MYT1L: variants seen among roughly 807,000 people sequenced by gnomAD.
MYT1L encodes myelin transcription factor 1-like protein.
In MYT1L, 12 loss-of-function variants were observed where a neutral mutation model predicts 126.7. That is an observed-to-expected ratio of 0.09 (90% CI 0.06 to 0.15). The LOEUF (loss-of-function observed/expected upper bound fraction) is 0.15. Among genes scored for constraint, MYT1L ranks in the 10% least tolerant of loss-of-function variants. MYT1L has a pLI of 1.00. For missense variants in MYT1L, 979 were observed against 1,585.2 expected (o/e 0.62, Z 6.49); for synonymous variants, 541 against 604.2 (o/e 0.90, Z 1.53).
chr2:2,043,296 A>G (rs2067761222), intron 4 of MYT1L, among the ~76,000 whole-genome samples: 2 of 152,150 alleles, frequency 1.3e-5, no homozygotes, highest in Non-Finnish European at 2.9e-5. Flanking sequence ...TTTATTTTCC[A>G]GAAACCTTGT....
intron 9 of MYT1L, among the ~76,000 whole-genome samples, chr2:1,931,583 C>T (rs1167558665): frequency 6.6e-6 from 1 of 152,132 alleles, no homozygotes; most frequent in Non-Finnish European, 1.5e-5. Context: ...CTTCTGGGTG[C>T]TAATTACTGG....
intron 1 of MYT1L, among the ~76,000 whole-genome samples, chr2:2,302,435 T>C (rs886654405): frequency 6.6e-6 from 1 of 152,212 alleles, no homozygotes; most frequent in Non-Finnish European, 1.5e-5. Flanking sequence ...GCTTTGAAAA[T>C]GTGGGGCCAC....
chr2:2,122,175 A>G (rs1260553720), intron 3 of MYT1L, among the ~76,000 whole-genome samples: 4 of 152,110 alleles, frequency 2.6e-5, no homozygotes, highest in African/African-American at 9.7e-5. Flanking sequence ...CACTCACTTT[A>G]AGAGTGTGGG....
chr2:2,187,159 C>T (rs1266740019), intron 2 of MYT1L, among the ~76,000 whole-genome samples: 1 of 152,012 alleles, frequency 6.6e-6, no homozygotes, highest in Admixed American at 6.6e-5. Context: ...TATATTTGGT[C>T]GTGGGCTCCC....
intron 3 of MYT1L, among the ~76,000 whole-genome samples, chr2:2,103,246 A>G (rs780658369): frequency 6.6e-6 from 1 of 152,200 alleles, no homozygotes; most frequent in Non-Finnish European, 1.5e-5. Context: ...CATGGGCCCA[A>G]ATTTGAAAAA....
chr2:2,136,611 A>G (rs1188242917), intron 3 of MYT1L, among the ~76,000 whole-genome samples: 2 of 152,226 alleles, frequency 1.3e-5, no homozygotes, highest in Non-Finnish European at 1.5e-5. Flanking sequence ...TTCTTTCTCT[A>G]TTAATTTTTA....
intron 4 of MYT1L, among the ~76,000 whole-genome samples, chr2:2,011,695 C>G (rs2063844933): frequency 6.6e-6 from 1 of 151,954 alleles, no homozygotes; most frequent in African/African-American, 2.4e-5. Flanking sequence ...GAATGACAAC[C>G]CAGTTAACAA....
At chr2:1,797,880 ACAGGCGCGGCGGTCTCCCCCTTCTCCG>A in intron 23 of MYT1L, among the ~76,000 whole-genome samples, 1 of 133,550 alleles carries the variant, frequency 7.5e-6, no homozygotes, top group South Asian at 2.5e-4. Flanking sequence ...CCCATCCGGC[ACAGGCGCGGCGGTCTCCCCCTTCTCCG>A]GCACAGGCGC....
intron 3 of MYT1L, among the ~76,000 whole-genome samples, chr2:2,116,821 G>A (rs975906587): frequency 4.1e-4 from 62 of 152,336 alleles, no homozygotes; most frequent in African/African-American, 1.3e-3. Context: ...TGAGGGAGGT[G>A]CAGCCAACCC....
At chr2:1,867,759 A>G (rs2045779085) in intron 18 of MYT1L, among the ~76,000 whole-genome samples, 1 of 152,186 alleles carries the variant, frequency 6.6e-6, no homozygotes, top group Non-Finnish European at 1.5e-5. Flanking sequence ...AGATATGCTC[A>G]TTAATGTGAA....
In MYT1L at chr2:1,814,035, AAAAAAAAAG is replaced by A. The variant is rs1245444468; in HGVS notation, c.3081-4877_3081-4869del. Among the ~76,000 whole-genome samples the A allele has an allele frequency of 7.0e-4, 105 of 150,046 alleles. 1 individual carries two copies. The highest frequency in any genetic ancestry group is 2.5e-3 in the African/African-American group (101 of 40,932). On this transcript the variant is annotated intron_variant, in intron 21 of 24. Coordinates refer to ENST00000647738, the MANE Select transcript of MYT1L (RefSeq NM_001303052.2). Reference sequence around the variant, plus strand: ...GAGCGAGACTCCGTCCCCAAAAAAAAAAAAAAAAGAAAGAAAAATTAGCTTCCATGAAAC... The same window carrying A: ...GAGCGAGACTCCGTCCCCAAAAAAAAAAAGAAAAATTAGCTTCCATGAAAC...
intron 4 of MYT1L, among the ~76,000 whole-genome samples, chr2:2,003,122 A>C (rs951647434): frequency 8.6e-5 from 13 of 151,990 alleles, no homozygotes; most frequent in African/African-American, 2.9e-4. Flanking sequence ...ACTGCTCCAA[A>C]ATATGCACCT....
intron 2 of MYT1L, among the ~76,000 whole-genome samples, chr2:2,227,078 T>C (rs1276668298): frequency 6.6e-6 from 1 of 151,576 alleles, no homozygotes; most frequent in East Asian, 2.0e-4. Context: ...GCTTCTGATT[T>C]CCAGGACACC....
intron 8 of MYT1L, among the ~76,000 whole-genome samples, chr2:1,950,200 C>G (rs934130665): frequency 6.6e-6 from 1 of 151,922 alleles, no homozygotes; most frequent in East Asian, 1.9e-4. Flanking sequence ...TTTGCAAACC[C>G]CTTCTCCATG....
chr2:2,003,970 C>T (rs894258667), intron 4 of MYT1L, among the ~76,000 whole-genome samples: 5 of 151,118 alleles, frequency 3.3e-5, no homozygotes, highest in African/African-American at 7.3e-5. Flanking sequence ...TTCTTTCCTG[C>T]AGGCATTCTT....
intron 3 of MYT1L, among the ~76,000 whole-genome samples, chr2:2,081,094 G>A (rs114914968): frequency 0.011 from 1,742 of 152,216 alleles, 29 homozygotes; most frequent in African/African-American, 0.04. Flanking sequence ...GGTGATAGCC[G>A]CATAGCTCAG....
intron 14 of MYT1L, chr2:1,902,841 C>G (rs1305932462): frequency 1.9e-6 from 1 of 526,696 alleles, no homozygotes. Context: ...CAGCCGAGTG[C>G]GCTGTCTCGG....
At chr2:2,211,794 A>C (rs1196490361) in intron 2 of MYT1L, among the ~76,000 whole-genome samples, 1 of 140,148 alleles carries the variant, frequency 7.1e-6, no homozygotes, top group Non-Finnish European at 1.5e-5. Context: ...ACAGAGAGAG[A>C]CTCCATGTCA....
intron 19 of MYT1L, among the ~76,000 whole-genome samples, chr2:1,849,531 G>C (rs143862202): frequency 1.4e-3 from 212 of 152,360 alleles, no homozygotes; most frequent in African/African-American, 4.9e-3. Flanking sequence ...ACTCAGCAGT[G>C]ACTGCAGGCA....
Sources: allele counts gnomAD v4.1 joint callset (sites outside exome capture counted in the v4.1 genomes callset), GRCh38; gene constraint gnomAD v4.1.1; transcripts MANE v1.5; gene names NCBI Gene and HGNC (gene_info 2026-07-23, HGNC 2026-07-21).